CTPS1: variants seen among roughly 807,000 people sequenced by gnomAD.
The protein encoded by CTPS1 is CTP synthase 1.
In CTPS1, 25 loss-of-function variants were observed where a neutral mutation model predicts 80.5. The ratio of observed to expected loss-of-function variants is 0.31; its 90% confidence interval spans 0.23 to 0.43. CTPS1 has a LOEUF of 0.43. Among genes scored for constraint, CTPS1 ranks in the 20% least tolerant of loss-of-function variants. The pLI, the probability that CTPS1 is intolerant of heterozygous loss-of-function variation, is 1.00. For synonymous variants in CTPS1, 267 were observed against 252.5 expected (o/e 1.06, Z -0.54); for missense variants, 442 against 725.7 (o/e 0.61, Z 4.49).
chr1:41,008,638 A>G (rs372621898), intron 14 of CTPS1, 21 bp from the exon 15 acceptor site: 9 of 1,613,640 alleles, frequency 5.6e-6, no homozygotes, highest in Non-Finnish European at 6.8e-6. Flanking sequence ...TTCTTTACAT[A>G]CAGCCCGTTT....
In CTPS1 at chr1:41,005,967, G is replaced by A. The variant is rs1430407401; in HGVS notation, c.1253-84G>A. 1.4e-5 allele frequency: 15 copies of A among 1,079,498 alleles called. No individual in the cohort carries two copies. The South Asian group carries it at 1.4e-4, about 10-fold the overall frequency. 66.9% of individuals were successfully genotyped at this position (1,079,498 alleles called of 1,614,324 possible). A position where few individuals can be genotyped will look rare whatever the true frequency, so the allele number is the denominator to read the frequency against. On this transcript the variant is annotated intron_variant, in intron 12 of 18. Coordinates refer to ENST00000650070, the MANE Select transcript of CTPS1 (RefSeq NM_001905.4). ...AATCACTGATCTTAAACTGAGGAGG[G>A]AAGTTGTGTTTAGAGCTTAGCAATG...
chr1:40,986,211 G>A (rs1403690121), intron 3 of CTPS1, among the ~76,000 whole-genome samples: 1 of 152,254 alleles, frequency 6.6e-6, no homozygotes, highest in Non-Finnish European at 1.5e-5. Context: ...AGAGTGACTG[G>A]GGAAAGCCAC....
At chr1:40,993,466 G>C (rs1053373172) in intron 7 of CTPS1, among the ~76,000 whole-genome samples, 16 of 152,108 alleles carry the variant, frequency 1.1e-4, no homozygotes, top group African/African-American at 3.6e-4. Flanking sequence ...TCAGCCTCCT[G>C]AGTAGCTAGT....
intron 2 of CTPS1, among the ~76,000 whole-genome samples, chr1:40,983,728 T>A (rs1229492413): frequency 6.6e-6 from 1 of 151,718 alleles, no homozygotes; most frequent in Non-Finnish European, 1.5e-5. Context: ...GCTCAAGCGA[T>A]CCTCTCACCT....
rs1448065694 is a variant in CTPS1, at chr1:41,007,279, G to A, written c.1297-170G>A. 6.6e-6 allele frequency among the ~76,000 whole-genome samples: 1 copy of A among 152,200 alleles called. No individual in the cohort carries two copies. The highest frequency in any genetic ancestry group is 1.5e-5 in the Non-Finnish European group (1 of 68,040). The stretch of plus-strand genomic sequence containing the variant: ...AGGACGGAGCCTCCACCCAACCGAG[G>A]TTACAAATGCCAACTGGGAGGCATT... On this transcript the variant is annotated intron_variant, in intron 13 of 18. Coordinates refer to ENST00000650070, the MANE Select transcript of CTPS1 (RefSeq NM_001905.4). The surrounding 1 kb of genome is among the most constrained non-coding windows in gnomAD (Gnocchi z 4.4).
chr1:40,998,871 A>G (rs1024851075), intron 9 of CTPS1, among the ~76,000 whole-genome samples: 6 of 152,210 alleles, frequency 3.9e-5, no homozygotes, highest in Non-Finnish European at 8.8e-5. Flanking sequence ...TTCCTGCAGA[A>G]TGGCCTGTTG....
chr1:40,995,282 G>A (rs980853523), intron 7 of CTPS1, among the ~76,000 whole-genome samples: 2 of 151,958 alleles, frequency 1.3e-5, no homozygotes, highest in African/African-American at 4.8e-5. Flanking sequence ...ACAGTGATGC[G>A]ATCTTGGCTC....
At chr1:40,999,129 A>T (rs982618173) in intron 9 of CTPS1, among the ~76,000 whole-genome samples, 7 of 152,194 alleles carry the variant, frequency 4.6e-5, no homozygotes, top group African/African-American at 1.7e-4. Context: ...AGGAAGGCAG[A>T]CTTCCTCATG....
chr1:40,991,050 C>T (rs2148397471), intron 5 of CTPS1, 115 bp from the exon 6 acceptor site: 1 of 735,788 alleles, frequency 1.4e-6, no homozygotes, highest in South Asian at 1.7e-5. Flanking sequence ...AGCTAAATTA[C>T]ACAAGTGACC....
rs755114556 is a variant in CTPS1, at chr1:41,012,536, A to G, written c.*888A>G. 3 of 152,188 alleles carry G rather than the reference A, an allele frequency of 2.0e-5. No individual in the cohort carries two copies. The highest frequency in any genetic ancestry group is 4.4e-5 in the Non-Finnish European group (3 of 68,032). 9.4% of individuals were successfully genotyped at this position (152,188 alleles called of 1,614,324 possible). ...CAGACTCGATGTGTACTCTAACTTAAGAAATAAATCAGTAAGGCAGAACAA... is the reference window on the plus strand; with the variant it reads ...CAGACTCGATGTGTACTCTAACTTAGGAAATAAATCAGTAAGGCAGAACAA... On this transcript the variant is annotated 3_prime_UTR_variant, in exon 19 of 19. Transcript: ENST00000650070.
At chr1:40,985,965 A>C (rs546181219) in intron 3 of CTPS1, among the ~76,000 whole-genome samples, 1 of 152,358 alleles carries the variant, frequency 6.6e-6, no homozygotes, top group Non-Finnish European at 1.5e-5. Flanking sequence ...GGAATCAGTT[A>C]GGAATTAGAA....
At chr1:40,993,172 T>A (rs1393606601) in intron 7 of CTPS1, among the ~76,000 whole-genome samples, 2 of 152,200 alleles carry the variant, frequency 1.3e-5, no homozygotes, top group East Asian at 3.9e-4. Context: ...TGCCTCAGCC[T>A]CCCGAATAGC....
rs925053779 is a variant in CTPS1 at position 41,012,433 on chromosome 1, C to A, written c.*785C>A. The A allele has an allele frequency of 6.6e-6, 1 of 151,934 alleles. No individual in the cohort carries two copies. Among genetic ancestry groups the A allele is most frequent in the Non-Finnish European group, 1.5e-5 (1 of 67,924 alleles). 9.4% of individuals were successfully genotyped at this position (151,934 alleles called of 1,614,324 possible). A position where few individuals can be genotyped will look rare whatever the true frequency, so the allele number is the denominator to read the frequency against. On this transcript the variant is annotated 3_prime_UTR_variant, in exon 19 of 19. Transcript: ENST00000650070. ...TTTTTCTTCCAGGATGGTGTTACTG[C>A]AGTTGAAAGGGCAATATGAAGTTAC...
chr1:40,997,470 G>T lies in CTPS1; in HGVS notation c.949G>T (p.Val317Phe). 1.2e-6 allele frequency: 2 copies of T among 1,614,190 alleles called. No homozygotes were observed. The highest frequency in any genetic ancestry group is 1.7e-6 in the Non-Finnish European group (2 of 1,180,038). Residue 317 changes from valine (V) to phenylalanine (F), a missense_variant, in exon 9 of 19, where the codon GTC (valine) becomes TTC (phenylalanine). Val to Phe is a conservative substitution (Grantham distance 50). This residue lies in a region of CTPS1 where 321 missense variants were observed against 467.2 expected (regional missense o/e 0.69). Transcript: ENST00000650070. ...YTKFSDSYASVIKALEHSALA... is the reference protein window; with the variant it reads ...YTKFSDSYASFIKALEHSALA... ...GAAGTTCTCAGACTCCTATGCCTCTGTCATTAAGGCTCTGGAGCATTCTGC... is the reference window on the plus strand; with the variant it reads ...GAAGTTCTCAGACTCCTATGCCTCTTTCATTAAGGCTCTGGAGCATTCTGC...
chr1:40,987,092 ACT>A (rs1161372251), intron 3 of CTPS1, among the ~76,000 whole-genome samples: 4 of 151,864 alleles, frequency 2.6e-5, no homozygotes, highest in Middle Eastern at 3.4e-3. Context: ...AAAAGGGTAG[ACT>A]CTGCACAGGG....
rs1294406152 is a variant in CTPS1, at chr1:40,984,657, AT to A, written c.167-159del. On this transcript the variant is annotated intron_variant, in intron 2 of 18. Transcript: ENST00000650070. ...GTTACCTTTTAGAGAATAGCTGGTAATTTTTCTTTTTGTGTGTCATATTTAG... is the reference window on the plus strand; with the variant it reads ...GTTACCTTTTAGAGAATAGCTGGTAATTTTCTTTTTGTGTGTCATATTTAG... 2.6e-5 allele frequency among the ~76,000 whole-genome samples: 4 copies of A among 152,090 alleles called. No individual in the cohort carries two copies. In the East Asian group the frequency reaches 7.7e-4, roughly 29 times the overall value.
chr1:40,988,653 C>T lies in CTPS1; in HGVS notation c.498C>T (p.Phe166=). The change falls in exon 5 of 19, where the codon TTC becomes TTT. Residue 166 remains phenylalanine (F), a synonymous_variant. Coordinates refer to ENST00000650070, the MANE Select transcript of CTPS1 (RefSeq NM_001905.4). ...CCTTTATTGAGGCCTTCCGTCAGTT[C>T]CAATTCAAGGTCAAAAGAGAGAACT... ...SMPFIEAFRQ[F]QFKVKRENFC... 1.2e-6 allele frequency: 2 copies of T among 1,614,096 alleles called. No homozygotes were observed. Among genetic ancestry groups the T allele is most frequent in the Non-Finnish European group, 1.7e-6 (2 of 1,180,002 alleles).
chr1:41,006,020 T>C, intron 12 of CTPS1, 31 bp from the exon 13 acceptor site: 1 of 1,575,954 alleles, frequency 6.3e-7, no homozygotes, highest in Non-Finnish European at 8.7e-7. Flanking sequence ...CGTTTGTAAC[T>C]ATTTTCATAA....
intron 1 of CTPS1, chr1:40,980,367 C>G (rs1303985386): frequency 1.3e-5 from 2 of 152,200 alleles, no homozygotes; most frequent in Non-Finnish European, 2.9e-5. Flanking sequence ...GCGAACTCGC[C>G]GGCCCTGGGC....
Sources: allele counts gnomAD v4.1 joint callset (sites outside exome capture counted in the v4.1 genomes callset), GRCh38; gene constraint gnomAD v4.1.1; regional missense constraint gnomAD v4.1.1; non-coding constraint Gnocchi (gnomAD v3.1); transcripts MANE v1.5; gene names NCBI Gene and HGNC (gene_info 2026-07-23, HGNC 2026-07-21).